The following CFAP299 variants were observed in gnomAD, a reference collection of about 807,000 sequenced individuals.
The protein encoded by CFAP299 is cilia and flagella associated protein 299.
Under a neutral mutation model 27.0 loss-of-function variants are expected in CFAP299, and 21 were observed. The ratio of observed to expected loss-of-function variants is 0.78; its 90% confidence interval spans 0.55 to 1.12. The LOEUF (loss-of-function observed/expected upper bound fraction) is 1.12, where lower values mean the gene tolerates loss of function less well. Ranked by LOEUF, CFAP299 falls within the 50% of genes most tolerant of loss-of-function variation. The pLI is 0.00. For synonymous variants in CFAP299, 104 were observed against 98.1 expected, an observed-to-expected ratio of 1.06 and a Z score of -0.36; for missense variants, 310 against 276.6, an observed-to-expected ratio of 1.12 and a Z score of -0.86.
intron 2 of CFAP299, among the ~76,000 whole-genome samples, chr4:80,571,954 C>T (rs533276533): frequency 2.6e-5 from 4 of 152,254 alleles, no homozygotes; most frequent in Admixed American, 1.3e-4. Context: ...AGAGCAAATA[C>T]ACAATGATAC....
intron 3 of CFAP299, among the ~76,000 whole-genome samples, chr4:80,784,683 A>G (rs982366497): frequency 1.3e-5 from 2 of 151,388 alleles, no homozygotes; most frequent in Non-Finnish European, 2.9e-5. Flanking sequence ...ACGCCCAGCT[A>G]ATTTTGTATT....
chr4:80,911,216 G>GTTT (rs758866957), intron 4 of CFAP299, among the ~76,000 whole-genome samples: 9 of 124,844 alleles, frequency 7.2e-5, no homozygotes, highest in Middle Eastern at 4.0e-3. Flanking sequence ...TTGCTTGGTT[G>GTTT]TTTTTTTTTT....
At chr4:80,399,730 A>G (rs1247545295) in intron 2 of CFAP299, among the ~76,000 whole-genome samples, 1 of 151,204 alleles carries the variant, frequency 6.6e-6, no homozygotes, top group African/African-American at 2.4e-5. Context: ...TAGGAGATAT[A>G]CCTAATGTAA....
At chr4:80,367,823 A>T (rs542153533) in intron 2 of CFAP299, among the ~76,000 whole-genome samples, 1 of 152,166 alleles carries the variant, frequency 6.6e-6, no homozygotes, top group African/African-American at 2.4e-5. Flanking sequence ...GGGACTGGCC[A>T]TGGTTTTCTT....
At chr4:80,767,172 C>T (rs1725919038) in intron 3 of CFAP299, among the ~76,000 whole-genome samples, 1 of 152,012 alleles carries the variant, frequency 6.6e-6, no homozygotes, top group Admixed American at 6.6e-5. Context: ...ACAATATACA[C>T]ATGTGTATTC....
intron 1 of CFAP299, among the ~76,000 whole-genome samples, chr4:80,351,747 G>T (rs1224632022): frequency 6.6e-6 from 1 of 151,150 alleles, no homozygotes; most frequent in East Asian, 1.9e-4. Context: ...TAATGTAAAT[G>T]TATTAACATT....
intron 2 of CFAP299, among the ~76,000 whole-genome samples, chr4:80,529,901 GAGA>G (rs772812087): frequency 4.6e-5 from 7 of 152,090 alleles, no homozygotes; most frequent in Non-Finnish European, 8.8e-5. Context: ...AATTAAAAGA[GAGA>G]AGATTTTCCA....
chr4:80,927,471 G>A (rs1455383950), intron 4 of CFAP299, among the ~76,000 whole-genome samples: 1 of 152,008 alleles, frequency 6.6e-6, no homozygotes, highest in Non-Finnish European at 1.5e-5. Flanking sequence ...CAAATTTAGT[G>A]GCTTAAAATG....
In CFAP299 at chr4:80,726,840, CA is replaced by C. The variant is rs558174577; in HGVS notation, c.334-143152del. Among the ~76,000 whole-genome samples, 368 of 152,240 alleles carry C rather than the reference CA, an allele frequency of 2.4e-3. 1 individual carries two copies. The highest frequency in any genetic ancestry group is 8.4e-3 in the African/African-American group (350 of 41,568). ...TCATGTTTTTACAGTATTACCACAA[CA>C]CCCATGAGATATTATATAATCAGTT... On this transcript the variant is annotated intron_variant, in intron 3 of 5. Coordinates refer to ENST00000358105, the MANE Select transcript of CFAP299 (RefSeq NM_152770.3).
At chr4:80,778,874 C>A (rs764604818) in intron 3 of CFAP299, among the ~76,000 whole-genome samples, 26 of 152,146 alleles carry the variant, frequency 1.7e-4, no homozygotes, top group Non-Finnish European at 3.7e-4. Context: ...TACTTGTACT[C>A]ATTTGTGTAT....
chr4:80,854,995 C>G (rs1289300969), intron 3 of CFAP299, among the ~76,000 whole-genome samples: 2 of 151,830 alleles, frequency 1.3e-5, no homozygotes, highest in East Asian at 3.9e-4. Context: ...ATAAAGAAGA[C>G]AAGCATACTA....
At chr4:80,955,711 A>G (rs879249595) in intron 5 of CFAP299, among the ~76,000 whole-genome samples, 2 of 152,202 alleles carry the variant, frequency 1.3e-5, no homozygotes, top group South Asian at 4.1e-4. Context: ...ATTGAAAATA[A>G]TGTAGCTAGG....
chr4:80,725,157 C>T (rs1017377723), intron 3 of CFAP299, among the ~76,000 whole-genome samples: 29 of 132,496 alleles, frequency 2.2e-4, no homozygotes, highest in African/African-American at 8.4e-4. Flanking sequence ...GGTTTCACCA[C>T]GTTGGCCAGG....
rs192849232 is a variant in CFAP299, at chr4:80,401,299, G to C, written c.242+38415G>C. Reference sequence around the variant, plus strand: ...GGGAAGATGTCTCCAGGCCATGCCAGAGACCCTCACAGCAGCCCCTCCCAT... The same window carrying C: ...GGGAAGATGTCTCCAGGCCATGCCACAGACCCTCACAGCAGCCCCTCCCAT... On this transcript the variant is annotated intron_variant, in intron 2 of 5. Transcript: ENST00000358105. 5.0e-3 allele frequency among the ~76,000 whole-genome samples: 765 copies of C among 152,318 alleles called. 7 individuals carry two copies. Among genetic ancestry groups the C allele is most frequent in the African/African-American group, 0.018 (728 of 41,584 alleles).
At chr4:80,650,572 A>G (rs1740230399) in intron 3 of CFAP299, among the ~76,000 whole-genome samples, 1 of 152,122 alleles carries the variant, frequency 6.6e-6, no homozygotes, top group Admixed American at 6.6e-5. Context: ...AACCATGGGG[A>G]TGAACTACCT....
intron 3 of CFAP299, among the ~76,000 whole-genome samples, chr4:80,742,361 T>C (rs1015462035): frequency 3.3e-5 from 5 of 152,220 alleles, no homozygotes; most frequent in Non-Finnish European, 7.3e-5. Flanking sequence ...AGACTTTACA[T>C]TTATTTATTG....
At chr4:80,452,893 G>C (rs1172208187) in intron 2 of CFAP299, among the ~76,000 whole-genome samples, 3 of 152,172 alleles carry the variant, frequency 2.0e-5, no homozygotes, top group African/African-American at 7.2e-5. Context: ...CTTTTAAAAT[G>C]ATGTTTGCAT....
At chr4:80,523,589 T>A (rs1276843617) in intron 2 of CFAP299, among the ~76,000 whole-genome samples, 1 of 152,140 alleles carries the variant, frequency 6.6e-6, no homozygotes, top group African/African-American at 2.4e-5. Flanking sequence ...TGAAGCATCA[T>A]TCAATCCGTT....
At chr4:80,793,731 G>A (rs1727701074) in intron 3 of CFAP299, among the ~76,000 whole-genome samples, 1 of 152,022 alleles carries the variant, frequency 6.6e-6, no homozygotes, top group African/African-American at 2.4e-5. Flanking sequence ...ACAGGATATG[G>A]GAAAAGGGAA....
Sources: allele counts gnomAD v4.1 joint callset (sites outside exome capture counted in the v4.1 genomes callset), GRCh38; gene constraint gnomAD v4.1.1; transcripts MANE v1.5; gene names NCBI Gene and HGNC (gene_info 2026-07-23, HGNC 2026-07-21).